Variants in BCL11A observed in about 807,000 individuals in gnomAD.
BCL11A encodes BCL11 transcription factor A.
BCL11A carries 2 observed loss-of-function variants against 55.9 expected under a neutral mutation model. The ratio of observed to expected loss-of-function variants is 0.04; its 90% CI spans 0.01 to 0.11. The LOEUF (loss-of-function observed/expected upper bound fraction) is 0.11, where lower values mean the gene tolerates loss of function less well. Ranked by LOEUF, BCL11A falls within the 10% of genes least tolerant of loss-of-function variation. The pLI, the probability that BCL11A is intolerant of heterozygous loss-of-function variation, is 1.00. For synonymous variants in BCL11A, 465 were observed against 473.4 expected (o/e 0.98, Z 0.23); for missense variants, 817 against 1,137.1 (o/e 0.72, Z 4.05).
chr2:60,552,949 A>G (rs1018071016), intron 1 of BCL11A, among the ~76,000 whole-genome samples: 2 of 152,018 alleles, frequency 1.3e-5, no homozygotes, highest in Non-Finnish European at 2.9e-5. Context: ...AGCGGCGGAA[A>G]GGAGGAAAGA....
Position 60,461,713 on chromosome 2 carries a change from G to A in BCL11A, c.1199C>T (p.Thr400Met). ...GTTGCACTTGTAGGGCTTCTCGCCC[G>A]TGTGGCTGCGCCGGTGCACCACCAG... ...SNLVVHRRSH[T>M]GEKPYKCNLC... Residue 400 changes from threonine (T) to methionine (M), a missense_variant, in exon 4 of 4, where the codon ACG (threonine) becomes ATG (methionine). This residue lies in a region of BCL11A where 45 missense variants were observed against 109.0 expected (regional missense o/e 0.41). Coordinates refer to ENST00000642384, the MANE Select transcript of BCL11A (RefSeq NM_022893.4). 1 of 1,614,070 alleles carries A rather than the reference G, an allele frequency of 6.2e-7. No individual in the cohort carries two copies. Among genetic ancestry groups the A allele is most frequent in the Non-Finnish European group, 8.5e-7 (1 of 1,180,036 alleles).
intron 2 of BCL11A, chr2:60,535,952 C>G (rs778989606): frequency 2.0e-5 from 3 of 152,196 alleles, no homozygotes; most frequent in Admixed American, 6.5e-5. Flanking sequence ...CTAACTCACA[C>G]CTTGCTAACC....
chr2:60,543,921 A>C (rs1202146933), intron 2 of BCL11A: 1 of 152,228 alleles, frequency 6.6e-6, no homozygotes, highest in Non-Finnish European at 1.5e-5. Context: ...CTCTGCTATT[A>C]TACTTGTTCT....
intron 1 of BCL11A, chr2:60,550,728 G>T: frequency 2.5e-6 from 1 of 397,778 alleles, no homozygotes; most frequent in South Asian, 1.3e-4. Context: ...TCCCAAGATG[G>T]ACCCAGGAGG....
At chr2:60,526,884 A>G (rs930035399) in intron 2 of BCL11A, 3 of 152,210 alleles carry the variant, frequency 2.0e-5, no homozygotes, top group African/African-American at 7.2e-5. Context: ...GCGGGGAACT[A>G]CTTAGCACCA....
chr2:60,532,005 A>C (rs1263189062), intron 2 of BCL11A, among the ~76,000 whole-genome samples: 1 of 151,928 alleles, frequency 6.6e-6, no homozygotes, highest in Admixed American at 6.6e-5. Context: ...TTCCTGCCAC[A>C]CCGCCGGGCC....
chr2:60,514,356 T>C (rs1182070996), intron 2 of BCL11A, among the ~76,000 whole-genome samples: 1 of 152,048 alleles, frequency 6.6e-6, no homozygotes, highest in Non-Finnish European at 1.5e-5. Flanking sequence ...GAACAAGCCA[T>C]CTGAAAATAG....
chr2:60,462,119 G>T lies in BCL11A; in HGVS notation c.793C>A (p.Leu265Met), dbSNP rs769158594. Reference protein sequence around the residue: ...AEGRFPPTPPLFSPPPRHHLD... With the variant: ...AEGRFPPTPPMFSPPPRHHLD... ...TGATGTCTCGGTGGTGGACTAAACAGGGGGGGAGTGGGTGGAAAGCGCCCT... is the reference window on the plus strand; with the variant it reads ...TGATGTCTCGGTGGTGGACTAAACATGGGGGGAGTGGGTGGAAAGCGCCCT... Residue 265 changes from leucine to methionine, a missense_variant, in exon 4 of 4, where the codon CTG becomes ATG. Around this residue, in one of 4 missense-constraint regions of BCL11A, gnomAD observed 363 missense variants for 486.6 expected, o/e 0.75. Coordinates refer to ENST00000642384, the MANE Select transcript of BCL11A (RefSeq NM_022893.4). 5.2e-6 allele frequency: 8 copies of T among 1,550,914 alleles called. No individual in the cohort carries two copies. The highest frequency in any genetic ancestry group is 3.7e-5 in the South Asian group (3 of 80,892).
At chr2:60,483,971 G>C (rs1232990568) in intron 2 of BCL11A, 1 of 151,924 alleles carries the variant, frequency 6.6e-6, no homozygotes, top group Non-Finnish European at 1.5e-5. Flanking sequence ...AAGCTTGTTA[G>C]ATGTAATGAT....
At chr2:60,467,639 G>A (rs1438970647) in intron 3 of BCL11A, among the ~76,000 whole-genome samples, 1 of 95,214 alleles carries the variant, frequency 1.1e-5, no homozygotes, top group Non-Finnish European at 2.2e-5. Context: ...GGTGGTGGTG[G>A]TGATGGTGGT....
At chr2:60,523,682 C>A (rs899268039) in intron 2 of BCL11A, among the ~76,000 whole-genome samples, 1 of 150,556 alleles carries the variant, frequency 6.6e-6, no homozygotes, top group South Asian at 2.1e-4. Context: ...AGTTAATAAG[C>A]CTTTTATAGG....
At position 60,463,536 on chromosome 2, in the gene BCL11A, C is replaced by G. The variant is rs1271227100; in HGVS notation, c.488-1112G>C. ...TAGCCAAGCCGTCTGGAGAGGGGCC[C>G]TGCTTAAGTCACATTATTTCCCTTG... On this transcript the variant is annotated intron_variant, in intron 3 of 3. Transcript: ENST00000642384. Among the ~76,000 whole-genome samples the G allele has an allele frequency of 2.0e-5, 3 of 152,346 alleles. No homozygotes were observed. In the East Asian group the frequency reaches 5.8e-4, roughly 29 times the overall value.
Position 60,458,916 on chromosome 2 carries a change from T to C in BCL11A, c.*1488A>G, listed in dbSNP as rs112758630. On this transcript the variant is annotated 3_prime_UTR_variant, in exon 4 of 4. Coordinates refer to ENST00000642384, the MANE Select transcript of BCL11A (RefSeq NM_022893.4). ...GAATCCTCTTCCATGTTAACACAAATAGCACACAGTGTATGGAAAAGAAAT... is the reference window on the plus strand; with the variant it reads ...GAATCCTCTTCCATGTTAACACAAACAGCACACAGTGTATGGAAAAGAAAT... The C allele has an allele frequency of 1.3e-4, 132 of 1,033,036 alleles. No homozygotes were observed. Among genetic ancestry groups the C allele is most frequent in the Non-Finnish European group, 1.5e-4 (130 of 858,264 alleles). 64.0% of individuals were successfully genotyped at this position (1,033,036 alleles called of 1,614,324 possible). A position where few individuals can be genotyped will look rare whatever the true frequency, so the allele number is the denominator to read the frequency against.
downstream of BCL11A, chr2:60,453,134 T>C (rs1319134894): frequency 6.6e-6 from 1 of 152,428 alleles, no homozygotes; most frequent in Non-Finnish European, 1.5e-5. Flanking sequence ...TGAAATGTCA[T>C]CAAGTTCAAC....
At chr2:60,530,657 G>C (rs1317975117) in intron 2 of BCL11A, among the ~76,000 whole-genome samples, 2 of 144,896 alleles carry the variant, frequency 1.4e-5, no homozygotes, top group Admixed American at 1.4e-4. Flanking sequence ...AGCATTTGAT[G>C]TACAGTCAGC....
Position 60,553,540 on chromosome 2 carries a change from G to T in BCL11A, c.-270C>A. Reference sequence around the variant, plus strand: ...GGAGAGAGAGAGAAGAGAGATAGAGGGAGAGAGAGAGAGAGAGATGAAAAA... The same window carrying T: ...GGAGAGAGAGAGAAGAGAGATAGAGTGAGAGAGAGAGAGAGAGATGAAAAA... On this transcript the variant is annotated 5_prime_UTR_variant, in exon 1 of 4. Transcript: ENST00000642384. The T allele has an allele frequency of 2.8e-6, 1 of 351,288 alleles. No individual in the cohort carries two copies. Among genetic ancestry groups the T allele is most frequent in the Non-Finnish European group, 4.8e-6 (1 of 209,926 alleles). The allele number at this position is 351,288 out of a possible 1,614,324, so 21.8% of individuals were successfully genotyped here.
intron 2 of BCL11A, chr2:60,536,075 T>C (rs1444616161): frequency 6.6e-6 from 1 of 152,188 alleles, no homozygotes; most frequent in Admixed American, 6.5e-5. Flanking sequence ...TTAAGTCCTA[T>C]CTCAGCTGGT....
chr2:60,463,244 G>A (rs958181747), intron 3 of BCL11A, among the ~76,000 whole-genome samples: 1 of 152,190 alleles, frequency 6.6e-6, no homozygotes, highest in Non-Finnish European at 1.5e-5. Flanking sequence ...GTTGTCCCCC[G>A]GTCAGACAAA....
At chr2:60,521,491 G>T (rs1364312005) in intron 2 of BCL11A, among the ~76,000 whole-genome samples, 1 of 152,186 alleles carries the variant, frequency 6.6e-6, no homozygotes, top group East Asian at 1.9e-4. Flanking sequence ...GCCCACCAGT[G>T]ACCTAGCTTT....
Sources: allele counts gnomAD v4.1 joint callset (sites outside exome capture counted in the v4.1 genomes callset), GRCh38; gene constraint gnomAD v4.1.1; regional missense constraint gnomAD v4.1.1; transcripts MANE v1.5; gene names NCBI Gene and HGNC (gene_info 2026-07-23, HGNC 2026-07-21).